CR1: variants seen among roughly 807,000 people sequenced by gnomAD.
CR1 encodes complement C3b/C4b receptor 1 (Knops blood group), also known as complement receptor type 1.
A neutral mutation model predicts 187.3 loss-of-function variants in CR1; 116 were observed. The observed-to-expected ratio is 0.62, with a 90% CI of 0.53 to 0.72. The LOEUF (loss-of-function observed/expected upper bound fraction) is 0.72. Ranked by LOEUF, CR1 falls within the 30% of genes least tolerant of loss-of-function variation. The pLI, the probability that CR1 is intolerant of heterozygous loss-of-function variation, is 0.00. For synonymous variants in CR1, 576 were observed against 747.1 expected, an observed-to-expected ratio of 0.77 and a Z score of 3.73; for missense variants, 1,731 against 2,110.7, an observed-to-expected ratio of 0.82 and a Z score of 3.52.
chr1:207,510,156 A>G (rs1271397302), intron 3 of CR1, among the ~76,000 whole-genome samples: 2 of 152,108 alleles, frequency 1.3e-5, no homozygotes, highest in Admixed American at 6.6e-5. Flanking sequence ...GCAGTGAGCC[A>G]AGATCGCACC....
intron 23 of CR1, among the ~76,000 whole-genome samples, chr1:207,565,147 A>G (rs1365875098): frequency 6.7e-6 from 1 of 150,062 alleles, no homozygotes; most frequent in Non-Finnish European, 1.5e-5. Context: ...GCTGACCGGC[A>G]TGGGCAACAA....
intron 45 of CR1, among the ~76,000 whole-genome samples, chr1:207,627,551 T>C (rs759144645): frequency 1.3e-5 from 2 of 152,240 alleles, no homozygotes; most frequent in East Asian, 3.8e-4. Context: ...ATATACCAAC[T>C]GTCTCAGTCT....
In CR1 at chr1:207,641,095, G is replaced by A. The variant is rs917959281; in HGVS notation, c.*1686G>A. 1 of 152,188 alleles carries A rather than the reference G, an allele frequency of 6.6e-6. No homozygotes were observed. Among genetic ancestry groups the A allele is most frequent in the Non-Finnish European group, 1.5e-5 (1 of 68,040 alleles). 9.4% of individuals were successfully genotyped at this position (152,188 alleles called of 1,614,324 possible). A position where few individuals can be genotyped will look rare whatever the true frequency, so the allele number is the denominator to read the frequency against. ...GGTCACCAAGAAAGAAGGGCAAATAGGTGGTGAGTATATGTAAAGATACTT... is the reference window on the plus strand; with the variant it reads ...GGTCACCAAGAAAGAAGGGCAAATAAGTGGTGAGTATATGTAAAGATACTT... On this transcript the variant is annotated 3_prime_UTR_variant, in exon 47 of 47. Coordinates refer to ENST00000367049, the MANE Select transcript of CR1 (RefSeq NM_000651.6).
At chr1:207,617,113 T>A (rs1662123282) in intron 41 of CR1, among the ~76,000 whole-genome samples, 1 of 152,122 alleles carries the variant, frequency 6.6e-6, no homozygotes, top group Admixed American at 6.5e-5. Flanking sequence ...AAACAAATGC[T>A]AAAGAAAATA....
chr1:207,595,189 T>A (rs867804858), intron 35 of CR1, among the ~76,000 whole-genome samples: 1 of 147,994 alleles, frequency 6.8e-6, no homozygotes, highest in Non-Finnish European at 1.5e-5. Flanking sequence ...AAGATTGAAT[T>A]CTCCAGAATT....
rs1227093771 is a variant in CR1, at chr1:207,617,538, TA to T, written c.6890-532del. Among the ~76,000 whole-genome samples the T allele has an allele frequency of 6.3e-4, 64 of 101,368 alleles. 2 individuals carry two copies. Among genetic ancestry groups the T allele is most frequent in the African/African-American group, 2.6e-3 (62 of 24,170 alleles). 66.5% of individuals were successfully genotyped at this position (101,368 alleles called of 152,430 possible). A position where few individuals can be genotyped will look rare whatever the true frequency, so the allele number is the denominator to read the frequency against. On this transcript the variant is annotated intron_variant, in intron 41 of 46. Transcript: ENST00000367049. ...GTGTGTGTGTGTGTGTGTGTGTGTG[TA>T]TGTGTGTATATATATATGTGTATAT... is the stretch of plus-strand genomic sequence containing the variant.
intron 4 of CR1, among the ~76,000 whole-genome samples, chr1:207,516,426 A>G (rs1198108378): frequency 6.6e-6 from 1 of 152,224 alleles, no homozygotes; most frequent in Non-Finnish European, 1.5e-5. Flanking sequence ...GATATCTGGT[A>G]GCATATATCT....
In CR1 at chr1:207,577,936, C is replaced by G. The variant is rs772522776; in HGVS notation, c.4669C>G (p.Leu1557Val). The G allele has an allele frequency of 6.2e-7, 1 of 1,612,170 alleles. No homozygotes were observed. The highest frequency in any genetic ancestry group is 8.5e-7 in the Non-Finnish European group (1 of 1,179,742). ...AAGCAGAGGGAGAAAGGTGTTTGAG[C>G]TTGTGGGTGAGCCCTCCATATACTG... Reference protein sequence around the residue: ...LGSRGRKVFELVGEPSIYCTS... With the variant: ...LGSRGRKVFEVVGEPSIYCTS... Residue 1557 changes from leucine to valine, a missense_variant, in exon 29 of 47, where the codon CTT becomes GTT. By Grantham distance (32) the Leu-to-Val change is conservative. Around this residue, in one of 5 missense-constraint regions of CR1, gnomAD observed 1,312 missense variants for 1,379.6 expected, o/e 0.95. Transcript: ENST00000367049.
chr1:207,498,194 G>A (rs1366738586), intron 1 of CR1, among the ~76,000 whole-genome samples: 2 of 152,218 alleles, frequency 1.3e-5, no homozygotes, highest in Admixed American at 6.5e-5. Flanking sequence ...GCATGTGACA[G>A]TGTTTTGTAA....
In CR1 at chr1:207,578,010, G is replaced by C. The variant is rs1259840716; in HGVS notation, c.4743G>C (p.Gln1581His). ...QVGIWSGPAP[Q>H]CIIPNKCTPP... Reference sequence around the variant, plus strand: ...GCATCTGGAGCGGCCCCGCCCCTCAGTGCATTATACCTAACAAATGCACGC... The same window carrying C: ...GCATCTGGAGCGGCCCCGCCCCTCACTGCATTATACCTAACAAATGCACGC... The change falls in exon 29 of 47, where the codon CAG becomes CAC. Residue 1581 changes from glutamine (Q) to histidine (H), a missense_variant. By Grantham distance (24) the Gln-to-His change is conservative. Coordinates refer to ENST00000367049, the MANE Select transcript of CR1 (RefSeq NM_000651.6). 6.2e-7 allele frequency: 1 copy of C among 1,611,672 alleles called. No individual in the cohort carries two copies. The highest frequency in any genetic ancestry group is 1.7e-5 in the Admixed American group (1 of 59,988).
chr1:207,501,812 G>A (rs549773178), intron 1 of CR1, among the ~76,000 whole-genome samples: 3 of 152,156 alleles, frequency 2.0e-5, no homozygotes, highest in African/African-American at 7.2e-5. Context: ...CCTTTGTCCG[G>A]CATCAATGGA....
chr1:207,573,940 T>C (rs1660654904), intron 27 of CR1, among the ~76,000 whole-genome samples: 1 of 152,100 alleles, frequency 6.6e-6, no homozygotes, highest in Admixed American at 6.6e-5. Flanking sequence ...AAGACCAGCC[T>C]AGACAACATG....
intron 41 of CR1, among the ~76,000 whole-genome samples, chr1:207,617,610 T>G (rs55764903): frequency 3.0e-3 from 28 of 9,338 alleles, no homozygotes; most frequent in South Asian, 4.6e-3. Flanking sequence ...TATATATATA[T>G]ATAGAGAGAG....
chr1:207,583,637 G>A (rs1279604343), intron 32 of CR1, among the ~76,000 whole-genome samples: 1 of 152,128 alleles, frequency 6.6e-6, no homozygotes, highest in African/African-American at 2.4e-5. Context: ...GTTTACAATA[G>A]AATTTTGCTC....
intron 46 of CR1, among the ~76,000 whole-genome samples, chr1:207,637,934 AT>A (rs1662867146): frequency 6.6e-6 from 1 of 151,990 alleles, no homozygotes; most frequent in East Asian, 1.9e-4. Flanking sequence ...CCTATTTCCC[AT>A]GTCTTATTTT....
chr1:207,583,051 C>T (rs1458236827), intron 32 of CR1, among the ~76,000 whole-genome samples: 1 of 152,102 alleles, frequency 6.6e-6, no homozygotes, highest in Non-Finnish European at 1.5e-5. Context: ...GAGATCTTCA[C>T]CTAGGGAGTG....
intron 2 of CR1, 87 bp downstream of exon 2, chr1:207,506,170 C>T (rs1659426260): frequency 4.7e-6 from 7 of 1,481,194 alleles, no homozygotes; most frequent in East Asian, 2.3e-5. Context: ...AACTGAGTTG[C>T]ATATGACAAT....
intron 40 of CR1, among the ~76,000 whole-genome samples, chr1:207,615,306 A>G (rs1662060514): frequency 6.6e-6 from 1 of 152,208 alleles, no homozygotes; most frequent in Non-Finnish European, 1.5e-5. Flanking sequence ...GAAGCAGACT[A>G]TGAACAAGGA....
chr1:207,576,644 C>G (rs1660754642), intron 28 of CR1, among the ~76,000 whole-genome samples: 1 of 152,082 alleles, frequency 6.6e-6, no homozygotes, highest in Non-Finnish European at 1.5e-5. Context: ...ATGGTGAAAT[C>G]ATGTCTCTAC....
Sources: allele counts gnomAD v4.1 joint callset (sites outside exome capture counted in the v4.1 genomes callset), GRCh38; gene constraint gnomAD v4.1.1; regional missense constraint gnomAD v4.1.1; transcripts MANE v1.5; gene names NCBI Gene and HGNC (gene_info 2026-07-23, HGNC 2026-07-21).